ATR: variants seen among roughly 807,000 people sequenced by gnomAD.
ATR encodes ATR checkpoint kinase.
In ATR, 142 loss-of-function variants were observed where a neutral mutation model predicts 305.3. The ratio of observed to expected loss-of-function variants is 0.47; its 90% CI spans 0.41 to 0.53. The LOEUF (loss-of-function observed/expected upper bound fraction) is 0.53. Ranked by LOEUF, ATR falls within the 20% of genes least tolerant of loss-of-function variation. The pLI is 0.00. For missense variants in ATR, 2,135 were observed against 3,133.1 expected, an observed-to-expected ratio of 0.68 and a Z score of 7.60; for synonymous variants, 1,050 against 1,068.1, an observed-to-expected ratio of 0.98 and a Z score of 0.33.
rs530626793 is a variant in ATR, at chr3:142,482,677, AT to A, written c.6221+2462del. On this transcript the variant is annotated intron_variant, in intron 36 of 46. Transcript: ENST00000350721. ...TGAGACCCTGTCTCTACAAAAAATT[AT>A]TTAAAAACATAGTTGGGCATGGTGG... Among the ~76,000 whole-genome samples the A allele has an allele frequency of 2.3e-3, 344 of 152,170 alleles. 4 individuals are homozygous for A. The highest frequency in any genetic ancestry group is 0.022 in the Admixed American group (332 of 15,270).
chr3:142,466,559 A>C (rs2071136185), intron 39 of ATR, 26 bp from the exon 40 acceptor site: 1 of 1,589,550 alleles, frequency 6.3e-7, no homozygotes, highest in African/African-American at 1.3e-5. Context: ...GTGCATTTTA[A>C]TTTGTTTTTA....
At chr3:142,508,491 TA>T (rs982392262) in intron 27 of ATR, among the ~76,000 whole-genome samples, 18 of 152,204 alleles carry the variant, frequency 1.2e-4, no homozygotes, top group African/African-American at 3.9e-4. Context: ...TTGATGACTA[TA>T]AAAAATGATT....
intron 17 of ATR, 81 bp from the exon 18 acceptor site, chr3:142,541,115 C>G: frequency 6.6e-7 from 1 of 1,516,304 alleles, no homozygotes; most frequent in South Asian, 1.1e-5. Context: ...CAAGTGCTTC[C>G]CACCCAGTAT....
Position 142,524,098 on chromosome 3 carries a change from T to C in ATR, c.4047A>G (p.Gln1349=), listed in dbSNP as rs373570604. ...AACATTCCCCACAGAGCAACCGAGC[T>C]TGAGAGTTTGCATCTTGGCAACCTT... ...LLKGCQDANS[Q]ARLLCGECLG... Residue 1349 remains glutamine, a synonymous_variant, in exon 22 of 47, where the codon CAA becomes CAG. Coordinates refer to ENST00000350721, the MANE Select transcript of ATR (RefSeq NM_001184.4). The C allele has an allele frequency of 2.0e-5, 33 of 1,614,074 alleles. No individual in the cohort carries two copies. The highest frequency in any genetic ancestry group is 2.6e-5 in the Non-Finnish European group (31 of 1,179,960).
At chr3:142,542,180 C>G (rs1029181084) in intron 17 of ATR, among the ~76,000 whole-genome samples, 1 of 152,144 alleles carries the variant, frequency 6.6e-6, no homozygotes, top group African/African-American at 2.4e-5. Context: ...CCACACCAGA[C>G]CAATCTAAAC....
At chr3:142,451,408 C>T in intron 46 of ATR, 1 of 1,474,814 alleles carries the variant, frequency 6.8e-7, no homozygotes, top group Admixed American at 2.0e-5. Flanking sequence ...GATCTGAAGC[C>T]TAGAAATATT....
intron 45 of ATR, among the ~76,000 whole-genome samples, chr3:142,454,683 C>T (rs534682958): frequency 2.0e-5 from 3 of 152,058 alleles, no homozygotes; most frequent in Non-Finnish European, 2.9e-5. Context: ...CCTCGTGATC[C>T]GCCCGCCTCG....
At chr3:142,476,801 G>T (rs967826731) in intron 36 of ATR, among the ~76,000 whole-genome samples, 14 of 152,060 alleles carry the variant, frequency 9.2e-5, no homozygotes, top group African/African-American at 3.4e-4. Context: ...CCTTGAAGAG[G>T]TCCTTCACAT....
intron 35 of ATR, among the ~76,000 whole-genome samples, chr3:142,486,856 T>C (rs1224002935): frequency 6.6e-6 from 1 of 150,942 alleles, no homozygotes; most frequent in Non-Finnish European, 1.5e-5. Flanking sequence ...TGGCTTATGC[T>C]TGTAATCCCA....
chr3:142,510,358 A>G (rs2032490839), intron 27 of ATR, among the ~76,000 whole-genome samples: 1 of 151,546 alleles, frequency 6.6e-6, no homozygotes, highest in Non-Finnish European at 1.5e-5. Context: ...TTAGCTGGGC[A>G]TGAGGCATGA....
intron 10 of ATR, 68 bp from the exon 11 acceptor site, chr3:142,554,083 T>C (rs2034576887): frequency 2.3e-6 from 3 of 1,311,632 alleles, no homozygotes; most frequent in Middle Eastern, 2.7e-4. Flanking sequence ...GTAAAAATAT[T>C]GTCAACAAAT....
In ATR at chr3:142,561,257, T is replaced by G; in HGVS notation, c.1335A>C (p.Pro445=). 1 of 1,613,968 alleles carries G rather than the reference T, an allele frequency of 6.2e-7. No individual in the cohort carries two copies. Among genetic ancestry groups the G allele is most frequent in the South Asian group, 1.1e-5 (1 of 91,078 alleles). ...SSSLNPSKRA[P]KQTEEIKHVD... ...GGTCATCATACTCCTCAGTCTGTTT[T>G]GGTGCTCTTTTAGAAGGGTTTAGAG... is the stretch of plus-strand genomic sequence containing the variant. The change falls in exon 5 of 47, where the codon CCA becomes CCC. Residue 445 remains proline, a synonymous_variant. Transcript: ENST00000350721.
At chr3:142,537,281 T>C (rs1485970855) in intron 19 of ATR, among the ~76,000 whole-genome samples, 1 of 151,858 alleles carries the variant, frequency 6.6e-6, no homozygotes, top group Admixed American at 6.6e-5. Flanking sequence ...TTTGTAGAGA[T>C]GAGGTTCTCA....
Position 142,562,501 on chromosome 3 carries a change from T to C in ATR, c.901A>G (p.Thr301Ala). The change falls in exon 4 of 47, where the codon ACA becomes GCA. Residue 301 changes from threonine to alanine, a missense_variant. By Grantham distance (58) the Thr-to-Ala change is moderately conservative. Around this residue, in one of 9 missense-constraint regions of ATR, gnomAD observed 744 missense variants for 873.2 expected, o/e 0.85. Coordinates refer to ENST00000350721, the MANE Select transcript of ATR (RefSeq NM_001184.4). Reference protein sequence around the residue: ...YEEPLSKLIKTLFPFEAEAYR... With the variant: ...YEEPLSKLIKALFPFEAEAYR... ...GCTTCTGCTTCAAAGGGAAATAGTG[T>C]CTTTATCAGCTTTGATAATGGCTCT... 1.9e-6 allele frequency: 3 copies of C among 1,614,056 alleles called. No homozygotes were observed. The highest frequency in any genetic ancestry group is 2.5e-6 in the Non-Finnish European group (3 of 1,179,956).
intron 27 of ATR, 91 bp downstream of exon 27, chr3:142,512,169 T>C (rs1358955069): frequency 3.6e-6 from 4 of 1,117,588 alleles, no homozygotes; most frequent in Non-Finnish European, 5.2e-6. Context: ...TTTTTTAAGC[T>C]AGTGCTTAAA....
At chr3:142,551,572 G>A (rs1054186817) in intron 13 of ATR, among the ~76,000 whole-genome samples, 2 of 152,166 alleles carry the variant, frequency 1.3e-5, no homozygotes, top group Non-Finnish European at 2.9e-5. Context: ...AAGCAACAGG[G>A]AAAGGACTCT....
chr3:142,530,349 A>G (rs1475056247), intron 21 of ATR, among the ~76,000 whole-genome samples: 1 of 152,178 alleles, frequency 6.6e-6, no homozygotes, highest in Non-Finnish European at 1.5e-5. Context: ...AAAATATTCA[A>G]TTAAAGTTAT....
At chr3:142,451,911 C>T (rs2070799306) in intron 46 of ATR, 1 of 1,294,920 alleles carries the variant, frequency 7.7e-7, no homozygotes, top group Admixed American at 2.2e-5. Flanking sequence ...ATATTGGAAT[C>T]CCTCAGTAAA....
Position 142,497,018 on chromosome 3 carries a change from G to A in ATR, c.5733C>T (p.Asn1911=), listed in dbSNP as rs766428193. The change falls in exon 33 of 47, where the codon AAC becomes AAT. Residue 1911 remains asparagine (N), a synonymous_variant. Coordinates refer to ENST00000350721, the MANE Select transcript of ATR (RefSeq NM_001184.4). ...AAAAAAGTAGTGTGAGAAACCTTTT[G>A]TTGAGGCTTAGTAAAGCCCTCCGGA... ...LALRRALLSL[N]KRPDYNEMVG... is the part of the protein sequence containing the mutation. 6 of 1,612,534 alleles carry A rather than the reference G, an allele frequency of 3.7e-6. No individual in the cohort carries two copies. Among genetic ancestry groups the A allele is most frequent in the African/African-American group, 1.3e-5 (1 of 74,804 alleles).
Sources: allele counts gnomAD v4.1 joint callset (sites outside exome capture counted in the v4.1 genomes callset), GRCh38; gene constraint gnomAD v4.1.1; regional missense constraint gnomAD v4.1.1; transcripts MANE v1.5; gene names NCBI Gene and HGNC (gene_info 2026-07-23, HGNC 2026-07-21).